Variants in NCKAP5 observed in about 807,000 individuals in gnomAD.
NCKAP5 encodes the protein nck-associated protein 5.
Under a neutral mutation model 167.0 loss-of-function variants are expected in NCKAP5, and 92 were observed. That is an observed-to-expected ratio of 0.55 (90% CI 0.47 to 0.66). The LOEUF (loss-of-function observed/expected upper bound fraction) is 0.66, where lower values mean the gene tolerates loss of function less well. NCKAP5 is among the 30% of genes least tolerant of loss of function. The pLI is 0.00. For missense variants in NCKAP5, 2,378 were observed against 2,315.0 expected (o/e 1.03, Z -0.56); for synonymous variants, 891 against 877.4 (o/e 1.02, Z -0.27).
At chr2:133,202,429 A>G (rs556479278) in intron 5 of NCKAP5, among the ~76,000 whole-genome samples, 2 of 152,340 alleles carry the variant, frequency 1.3e-5, no homozygotes, top group African/African-American at 4.8e-5. Flanking sequence ...AAAACCATCA[A>G]AACCCTAGAA....
At chr2:133,004,124 G>A (rs906406665) in intron 6 of NCKAP5, among the ~76,000 whole-genome samples, 1 of 152,212 alleles carries the variant, frequency 6.6e-6, no homozygotes, top group Non-Finnish European at 1.5e-5. Context: ...TCCACAAAGA[G>A]AGGGGGAGGG....
chr2:133,479,489 A>G (rs1680234917), intron 3 of NCKAP5, among the ~76,000 whole-genome samples: 1 of 152,244 alleles, frequency 6.6e-6, no homozygotes, highest in Non-Finnish European at 1.5e-5. Flanking sequence ...AAGTAGCCAG[A>G]AAAGAGAACT....
In NCKAP5 at chr2:133,261,451, G is replaced by A. The variant is rs574695497; in HGVS notation, c.143+41586C>T. Among the ~76,000 whole-genome samples the A allele has an allele frequency of 2.0e-5, 3 of 152,226 alleles. No homozygotes were observed. In the East Asian group the frequency reaches 5.8e-4, roughly 29 times the overall value. On this transcript the variant is annotated intron_variant, in intron 4 of 19. Coordinates refer to ENST00000409261, the MANE Select transcript of NCKAP5 (RefSeq NM_207363.3). Reference sequence around the variant, plus strand: ...CACAGATATCAATACTGCTGTCTTTGAAAAGGTCCAAAGATATAGTATGTT... The same window carrying A: ...CACAGATATCAATACTGCTGTCTTTAAAAAGGTCCAAAGATATAGTATGTT...
intron 6 of NCKAP5, among the ~76,000 whole-genome samples, chr2:133,012,174 C>G (rs548971989): frequency 6.6e-6 from 1 of 152,178 alleles, no homozygotes; most frequent in Non-Finnish European, 1.5e-5. Context: ...TCTGCTTTCA[C>G]GTTTTTCCTC....
At chr2:133,021,228 G>A (rs2078515710) in intron 6 of NCKAP5, among the ~76,000 whole-genome samples, 1 of 152,148 alleles carries the variant, frequency 6.6e-6, no homozygotes, top group Non-Finnish European at 1.5e-5. Context: ...GATTATATTG[G>A]AAAGAAGCAT....
At chr2:133,237,659 T>C (rs531718384) in intron 4 of NCKAP5, among the ~76,000 whole-genome samples, 1 of 152,176 alleles carries the variant, frequency 6.6e-6, no homozygotes, top group Non-Finnish European at 1.5e-5. Context: ...ATAAAGACAA[T>C]TGAAGATGTA....
intron 2 of NCKAP5, chr2:133,558,243 G>C (rs1441894876): frequency 6.6e-6 from 1 of 152,140 alleles, no homozygotes. Flanking sequence ...TGGAGAGGTG[G>C]TCTTTTTCTC....
chr2:132,936,131 G>T, intron 8 of NCKAP5, among the ~76,000 whole-genome samples: 1 of 151,890 alleles, frequency 6.6e-6, no homozygotes. Flanking sequence ...ACAGGCGCTC[G>T]CCACCATGCC....
intron 6 of NCKAP5, among the ~76,000 whole-genome samples, chr2:133,074,615 G>A (rs1185877400): frequency 6.6e-6 from 1 of 152,104 alleles, no homozygotes; most frequent in Admixed American, 6.6e-5. Context: ...GCCTGCCTCA[G>A]CCTCCCAAAG....
At chr2:133,241,034 C>T (rs62178459) in intron 4 of NCKAP5, among the ~76,000 whole-genome samples, 29,217 of 152,156 alleles carry the variant, frequency 0.19, 3,515 homozygotes, top group African/African-American at 0.35. Flanking sequence ...TATTCTAGAA[C>T]TTAATCCTCA....
intron 9 of NCKAP5, among the ~76,000 whole-genome samples, chr2:132,871,450 C>T (rs192484500): frequency 2.9e-4 from 44 of 152,310 alleles, no homozygotes; most frequent in Non-Finnish European, 5.1e-4. Flanking sequence ...GATTTACATT[C>T]TCATAAAACT....
At chr2:133,462,229 C>A (rs1331259002) in intron 3 of NCKAP5, among the ~76,000 whole-genome samples, 1 of 152,124 alleles carries the variant, frequency 6.6e-6, no homozygotes, top group African/African-American at 2.4e-5. Flanking sequence ...AGATTGCATC[C>A]CTTTTGGGTC....
At chr2:133,668,415 GA>G in the NCKAP5 span, among the ~76,000 whole-genome samples, 1 of 152,016 alleles carries the variant, frequency 6.6e-6, no homozygotes, top group South Asian at 2.1e-4. Flanking sequence ...AGCAATATAT[GA>G]AGGTTCTAAT....
intron 5 of NCKAP5, among the ~76,000 whole-genome samples, chr2:133,200,595 C>T (rs1002034178): frequency 1.3e-5 from 2 of 152,050 alleles, no homozygotes; most frequent in Non-Finnish European, 2.9e-5. Flanking sequence ...GTAAAAGCAA[C>T]AAAAGAAAAA....
At chr2:133,468,977 G>C (rs1207652867) in intron 3 of NCKAP5, among the ~76,000 whole-genome samples, 1 of 152,090 alleles carries the variant, frequency 6.6e-6, no homozygotes, top group Admixed American at 6.6e-5. Context: ...TTGCCAGTCT[G>C]TGTCTTTTAA....
At chr2:133,057,401 A>G (rs2079841545) in intron 6 of NCKAP5, among the ~76,000 whole-genome samples, 1 of 152,232 alleles carries the variant, frequency 6.6e-6, no homozygotes, top group Non-Finnish European at 1.5e-5. Context: ...CCAAACAGGT[A>G]GCCAAGTTGT....
chr2:133,036,021 G>A (rs1223560683), intron 6 of NCKAP5, among the ~76,000 whole-genome samples: 1 of 151,716 alleles, frequency 6.6e-6, no homozygotes, highest in Non-Finnish European at 1.5e-5. Context: ...CGAATTTAAA[G>A]GATTATTAGG....
chr2:133,217,117 TAAG>T (rs1442149889), intron 4 of NCKAP5, among the ~76,000 whole-genome samples: 1 of 152,060 alleles, frequency 6.6e-6, no homozygotes, highest in Non-Finnish European at 1.5e-5. Context: ...TAAGGCAAAA[TAAG>T]AAGTCACTAT....
At chr2:132,933,275 A>G (rs1023027098) in intron 8 of NCKAP5, among the ~76,000 whole-genome samples, 6 of 152,230 alleles carry the variant, frequency 3.9e-5, no homozygotes, top group African/African-American at 1.4e-4. Flanking sequence ...TCAGTTATAC[A>G]CAACCATGGT....
Sources: gnomAD v4.1 joint callset for allele counts (sites outside exome capture counted in the v4.1 genomes callset) on GRCh38, gnomAD v4.1.1 for gene constraint, MANE v1.5 for transcripts, NCBI Gene and HGNC (gene_info 2026-07-23, HGNC 2026-07-21) for gene names.